Variants in PDE4D observed in about 807,000 individuals in gnomAD.
The protein encoded by PDE4D is phosphodiesterase 4D, also known as 3',5'-cyclic-AMP phosphodiesterase 4D.
A neutral mutation model predicts 87.4 loss-of-function variants in PDE4D; 24 were observed. That is an observed-to-expected ratio of 0.27 (90% CI 0.20 to 0.39). PDE4D has a LOEUF of 0.39. PDE4D is among the 10% of genes least tolerant of loss of function. PDE4D has a pLI of 1.00. For missense variants in PDE4D, 714 were observed against 1,041.0 expected (o/e 0.69, Z 4.32); for synonymous variants, 384 against 383.2 (o/e 1.00, Z -0.02).
chr5:59,566,195 G>A (rs530010059), intron 1 of PDE4D, among the ~76,000 whole-genome samples: 3 of 152,240 alleles, frequency 2.0e-5, no homozygotes, highest in Admixed American at 6.5e-5. Context: ...GATGGGAAGT[G>A]CATTCTTGAT....
At chr5:59,515,727 A>C (rs759234498) in intron 1 of PDE4D, among the ~76,000 whole-genome samples, 1 of 152,252 alleles carries the variant, frequency 6.6e-6, no homozygotes, top group Non-Finnish European at 1.5e-5. Context: ...GTGAATAAAA[A>C]ATGTATAAGA....
chr5:59,830,958 A>G (rs1741107128), intron 1 of PDE4D, among the ~76,000 whole-genome samples: 2 of 152,086 alleles, frequency 1.3e-5, no homozygotes, highest in East Asian at 1.9e-4. Context: ...GGGCACAGAT[A>G]GCAAGAAGCT....
chr5:59,218,007 A>T (rs767455675), intron 1 of PDE4D: 2 of 489,288 alleles, frequency 4.1e-6, no homozygotes, highest in Non-Finnish European at 8.2e-6. Context: ...GGGATATCTG[A>T]GAAGTTTTCA....
intron 1 of PDE4D, among the ~76,000 whole-genome samples, chr5:59,347,902 G>A (rs1779867599): frequency 6.6e-6 from 1 of 152,090 alleles, no homozygotes; most frequent in African/African-American, 2.4e-5. Flanking sequence ...TGTATGGAAT[G>A]GATATGCTTG....
At chr5:59,859,868 T>C (rs1285622512) in intron 1 of PDE4D, among the ~76,000 whole-genome samples, 1 of 152,156 alleles carries the variant, frequency 6.6e-6, no homozygotes, top group Non-Finnish European at 1.5e-5. Context: ...AAGATTGATA[T>C]GATCAAGTTT....
chr5:59,819,892 C>G (rs577684889), intron 1 of PDE4D, among the ~76,000 whole-genome samples: 1 of 152,222 alleles, frequency 6.6e-6, no homozygotes, highest in East Asian at 1.9e-4. Flanking sequence ...AGGCAATTTC[C>G]CTAGAGACAA....
intron 1 of PDE4D, among the ~76,000 whole-genome samples, chr5:60,441,049 G>A (rs959430537): frequency 3.9e-5 from 6 of 152,102 alleles, no homozygotes; most frequent in East Asian, 1.9e-4. Context: ...TTCTGGTTGC[G>A]ATGTAAAGAA....
At chr5:59,747,589 C>T (rs962939616) in intron 1 of PDE4D, among the ~76,000 whole-genome samples, 1 of 152,176 alleles carries the variant, frequency 6.6e-6, no homozygotes. Flanking sequence ...CTCACCTTCT[C>T]TCTCCTCAAA....
chr5:59,821,513 T>G (rs1433548850), intron 1 of PDE4D, among the ~76,000 whole-genome samples: 1 of 152,222 alleles, frequency 6.6e-6, no homozygotes, highest in African/African-American at 2.4e-5. Context: ...TTATTTATAT[T>G]GTTACTTAAT....
intron 1 of PDE4D, among the ~76,000 whole-genome samples, chr5:59,615,748 C>T (rs970243632): frequency 6.6e-6 from 1 of 152,102 alleles, no homozygotes; most frequent in African/African-American, 2.4e-5. Flanking sequence ...GAATGTGACC[C>T]TAGTAAGTTT....
chr5:60,080,075 T>G (rs1328763127), intron 2 of PDE4D, among the ~76,000 whole-genome samples: 1 of 152,200 alleles, frequency 6.6e-6, no homozygotes, highest in African/African-American at 2.4e-5. Flanking sequence ...ATAGTTCTCC[T>G]TGAAGAGGTC....
rs552570323 is a variant in PDE4D, at chr5:59,721,485, T to C, written c.455+171683A>G. On this transcript the variant is annotated intron_variant, in intron 1 of 14. Coordinates refer to ENST00000340635, the MANE Select transcript of PDE4D (RefSeq NM_001104631.2). ...GGGACTACTGGAAGTAATTTACTTA[T>C]ATTATCTCATTTCATTCAATCAACA... Among the ~76,000 whole-genome samples the C allele has an allele frequency of 5.9e-5, 9 of 152,292 alleles. No homozygotes were observed. The East Asian group carries it at 1.5e-3, about 26-fold the overall frequency.
At chr5:60,207,856 T>A (rs1043121979) in intron 1 of PDE4D, among the ~76,000 whole-genome samples, 6 of 152,236 alleles carry the variant, frequency 3.9e-5, no homozygotes. Context: ...CTAGGACTCT[T>A]ACTCATTCCA....
At chr5:60,303,917 T>C (rs1754182619) in intron 1 of PDE4D, 1 of 152,222 alleles carries the variant, frequency 6.6e-6, no homozygotes, top group South Asian at 2.1e-4. Flanking sequence ...ACTATTATTG[T>C]GTGGGAGTCT....
chr5:59,535,956 G>A (rs1473237394), intron 1 of PDE4D, among the ~76,000 whole-genome samples: 2 of 152,184 alleles, frequency 1.3e-5, no homozygotes, highest in Non-Finnish European at 2.9e-5. Flanking sequence ...ATCAGCACAT[G>A]TGTTGTCTTA....
chr5:59,983,839 C>T (rs1346145932), intron 3 of PDE4D, among the ~76,000 whole-genome samples: 4 of 152,256 alleles, frequency 2.6e-5, no homozygotes, highest in African/African-American at 9.6e-5. Context: ...CTCAGAAATG[C>T]TACTCCTGGG....
intron 1 of PDE4D, among the ~76,000 whole-genome samples, chr5:59,777,292 C>T (rs1764174454): frequency 1.3e-5 from 2 of 152,078 alleles, no homozygotes; most frequent in Admixed American, 1.3e-4. Context: ...TGGTGTATCT[C>T]CAAATGTAAA....
intron 1 of PDE4D, among the ~76,000 whole-genome samples, chr5:59,648,307 A>G (rs1437439558): frequency 6.6e-6 from 1 of 152,314 alleles, no homozygotes; most frequent in Admixed American, 6.5e-5. Context: ...CAATTCAAAA[A>G]TTCTAAAAAT....
intron 1 of PDE4D, among the ~76,000 whole-genome samples, chr5:59,490,302 C>T (rs2153659857): frequency 6.6e-6 from 1 of 152,278 alleles, no homozygotes; most frequent in East Asian, 1.9e-4. Flanking sequence ...CCTACCACTG[C>T]ATGCAAAATA....
Sources: allele counts gnomAD v4.1 joint callset (sites outside exome capture counted in the v4.1 genomes callset), GRCh38; gene constraint gnomAD v4.1.1; transcripts MANE v1.5; gene names NCBI Gene and HGNC (gene_info 2026-07-23, HGNC 2026-07-21).